The following LIX1L variants were observed in gnomAD, a reference collection of about 807,000 sequenced individuals.
LIX1L encodes LIX1-like protein.
LIX1L carries 20 observed loss-of-function variants against 34.0 expected under a neutral mutation model. The observed-to-expected ratio is 0.59, with a 90% CI of 0.41 to 0.85. LIX1L has a LOEUF of 0.85. Ranked by LOEUF, LIX1L falls within the 40% of genes least tolerant of loss-of-function variation. LIX1L has a pLI of 0.00. For missense variants in LIX1L, 397 were observed against 447.0 expected (o/e 0.89, Z 1.01); for synonymous variants, 170 against 187.4 (o/e 0.91, Z 0.76).
In LIX1L at chr1:145,936,709, G is replaced by A; in HGVS notation, c.772-157C>T. 1.5e-5 allele frequency: 13 copies of A among 894,462 alleles called. No individual in the cohort carries two copies. In the South Asian group the frequency reaches 1.8e-4, roughly 12 times the overall value. 55.4% of individuals were successfully genotyped at this position (894,462 alleles called of 1,614,324 possible). On this transcript the variant is annotated intron_variant, in intron 5 of 5. Transcript: ENST00000604000. ...TTCTTAAAGGCACTTCCTGCTACGG[G>A]AAGCAAGATAGACAAAAGAATCACA...
Position 145,948,169 on chromosome 1 carries a change from T to C in LIX1L, c.293-387A>G, listed in dbSNP as rs587617251. ...GAAATACAAGCAGATTATTCCACAG[T>C]TGGTTAGCTGGCCCAGGATGATAAT... On this transcript the variant is annotated intron_variant, in intron 1 of 5. Transcript: ENST00000604000. The surrounding 1 kb of genome is among the most constrained non-coding windows in gnomAD (Gnocchi z 4.0). Among the ~76,000 whole-genome samples the C allele has an allele frequency of 6.6e-6, 1 of 152,318 alleles. No individual in the cohort carries two copies. Among genetic ancestry groups the C allele is most frequent in the Non-Finnish European group, 1.5e-5 (1 of 68,032 alleles).
intron 3 of LIX1L, chr1:145,939,934 T>C (rs1334987564): frequency 1.3e-5 from 2 of 148,676 alleles, no homozygotes; most frequent in African/African-American, 5.0e-5. Flanking sequence ...CCACCACACC[T>C]GGCCTAGAAC....
At chr1:145,939,004 T>C (rs1648776150) in intron 3 of LIX1L, among the ~76,000 whole-genome samples, 1 of 151,248 alleles carries the variant, frequency 6.6e-6, no homozygotes, top group Admixed American at 6.6e-5. Context: ...TTTTTGAGAC[T>C]GTGTCTCATT....
intron 3 of LIX1L, among the ~76,000 whole-genome samples, chr1:145,941,691 G>A (rs961558823): frequency 2.0e-5 from 3 of 152,100 alleles, no homozygotes; most frequent in African/African-American, 4.8e-5. Flanking sequence ...TAATCTTGGC[G>A]TGACCAATTA....
chr1:145,945,914 T>TG (rs1299076864), intron 2 of LIX1L, among the ~76,000 whole-genome samples: 2 of 143,084 alleles, frequency 1.4e-5, no homozygotes, highest in Non-Finnish European at 3.0e-5. Context: ...GGTGAAACCC[T>TG]GTCTCTACTA....
At chr1:145,941,108 G>A (rs1648898697) in intron 3 of LIX1L, 1 of 152,036 alleles carries the variant, frequency 6.6e-6, no homozygotes, top group South Asian at 2.1e-4. Context: ...TTCATTCCCT[G>A]CAGATGCTGT....
intron 4 of LIX1L, chr1:145,937,398 A>G: frequency 4.9e-6 from 2 of 410,378 alleles, no homozygotes; most frequent in Non-Finnish European, 8.8e-6. Context: ...GCCTCAAGTG[A>G]TCCACCCGCC....
chr1:145,946,003 G>A (rs1649093465), intron 2 of LIX1L, among the ~76,000 whole-genome samples: 1 of 149,694 alleles, frequency 6.7e-6, no homozygotes, highest in Non-Finnish European at 1.5e-5. Context: ...ACTGGGGAAG[G>A]TGAGGCAGGA....
rs1559236791 is a variant in LIX1L at position 145,935,912 on chromosome 1, A to G, written c.*398T>C. 2.9e-5 allele frequency: 6 copies of G among 207,082 alleles called. No individual in the cohort carries two copies. The South Asian group carries it at 3.6e-4, about 12-fold the overall frequency. 12.8% of individuals were successfully genotyped at this position (207,082 alleles called of 1,614,324 possible). On this transcript the variant is annotated 3_prime_UTR_variant, in exon 6 of 6. Coordinates refer to ENST00000604000, the MANE Select transcript of LIX1L (RefSeq NM_153713.3). Reference sequence around the variant, plus strand: ...CATACTCATACCCTGTTTGAGTCCAAGAGGAAGCAGGAATGAGAGTAAGGG... The same window carrying G: ...CATACTCATACCCTGTTTGAGTCCAGGAGGAAGCAGGAATGAGAGTAAGGG...
At chr1:145,952,899 C>G (rs1338236256) in intron 1 of LIX1L, among the ~76,000 whole-genome samples, 1 of 152,162 alleles carries the variant, frequency 6.6e-6, no homozygotes, top group Admixed American at 6.5e-5. Context: ...GTGTGAGTCA[C>G]CGCACCTAAC....
intron 2 of LIX1L, among the ~76,000 whole-genome samples, chr1:145,946,715 C>T (rs1553759278): frequency 1.3e-5 from 2 of 152,070 alleles, no homozygotes; most frequent in African/African-American, 4.8e-5. Context: ...GAACATAGTC[C>T]ACTAGGAGAG....
At position 145,937,662 on chromosome 1, in the gene LIX1L, A is replaced by G. The variant is rs782520580; in HGVS notation, c.635T>C (p.Ile212Thr). The G allele has an allele frequency of 6.2e-6, 10 of 1,613,690 alleles. No individual in the cohort carries two copies. Among genetic ancestry groups the G allele is most frequent in the Non-Finnish European group, 8.5e-6 (10 of 1,179,804 alleles). Residue 212 changes from isoleucine (I) to threonine (T), a missense_variant, in exon 4 of 6, where the codon ATT becomes ACT. By Grantham distance (89) the Ile-to-Thr change is moderately conservative. This residue lies in a region of LIX1L where 174 missense variants were observed against 204.0 expected (regional missense o/e 0.85). Transcript: ENST00000604000. ...REEADNPNTG[I>T]GAFRFMLESN... ...TTCCAGCATGAATCGGAAGGCACCA[A>G]TCCCTGTATTTGGGTTGTCAGCTTC...
chr1:145,940,246 G>C (rs782064245), intron 3 of LIX1L, among the ~76,000 whole-genome samples: 1 of 151,992 alleles, frequency 6.6e-6, no homozygotes, highest in Admixed American at 6.6e-5. Flanking sequence ...GATTACAGGC[G>C]TGAGCCACCG....
At chr1:145,939,323 T>G (rs1225721523) in intron 3 of LIX1L, among the ~76,000 whole-genome samples, 1 of 150,738 alleles carries the variant, frequency 6.6e-6, no homozygotes, top group African/African-American at 2.4e-5. Context: ...TTTTTTTTTT[T>G]GAGATGAAGT....
At chr1:145,947,158 C>T (rs1423777087) in intron 2 of LIX1L, 1 of 154,570 alleles carries the variant, frequency 6.5e-6, no homozygotes, top group East Asian at 1.9e-4. Context: ...AAATTTGGAT[C>T]TCCTAACTCT....
Position 145,937,683 on chromosome 1 carries a change from G to C in LIX1L, c.614C>G (p.Ala205Gly), listed in dbSNP as rs1648714431. 1 of 1,611,788 alleles carries C rather than the reference G, an allele frequency of 6.2e-7. No individual in the cohort carries two copies. ...LASFNGNREE[A>G]DNPNTGIGAF... ...ACCAATCCCTGTATTTGGGTTGTCA[G>C]CTTCCTCCCTGTTGCCCTGGTAGTA... The change falls in exon 4 of 6, where the codon GCT becomes GGT. Residue 205 changes from alanine to glycine, a missense_variant. Physicochemically the swap from Ala to Gly is moderately conservative, Grantham distance 60. This residue lies in a region of LIX1L where 174 missense variants were observed against 204.0 expected (regional missense o/e 0.85). Coordinates refer to ENST00000604000, the MANE Select transcript of LIX1L (RefSeq NM_153713.3).
At chr1:145,952,005 C>G (rs1179284645) in intron 1 of LIX1L, among the ~76,000 whole-genome samples, 1 of 151,012 alleles carries the variant, frequency 6.6e-6, no homozygotes, top group Non-Finnish European at 1.5e-5. Context: ...TAATTGTGAT[C>G]CGCATTTGAA....
At chr1:145,955,747 G>A (rs1253044654) in intron 1 of LIX1L, among the ~76,000 whole-genome samples, 2 of 152,184 alleles carry the variant, frequency 1.3e-5, no homozygotes, top group African/African-American at 2.4e-5. Flanking sequence ...CAAGAATAAT[G>A]AGAAAGACTG....
Position 145,942,830 on chromosome 1 carries a change from G to A in LIX1L, c.480C>T (p.Ala160=), listed in dbSNP as rs1475134342. The change falls in exon 3 of 6, where the codon GCC becomes GCT. Residue 160 remains alanine, a synonymous_variant. Transcript: ENST00000604000. The part of the protein sequence containing the change: ...SFQFCPTKAE[A]RRSAAKIALM... Reference sequence around the variant, plus strand: ...GCGCAATCTTTGCAGCACTCCTCCGGGCCTCAGCTTTTGTGGGGCAAAACT... The same window carrying A: ...GCGCAATCTTTGCAGCACTCCTCCGAGCCTCAGCTTTTGTGGGGCAAAACT... The A allele has an allele frequency of 6.2e-7, 1 of 1,613,930 alleles. No homozygotes were observed. The highest frequency in any genetic ancestry group is 8.5e-7 in the Non-Finnish European group (1 of 1,179,998).
Sources: allele counts gnomAD v4.1 joint callset (sites outside exome capture counted in the v4.1 genomes callset), GRCh38; gene constraint gnomAD v4.1.1; regional missense constraint gnomAD v4.1.1; non-coding constraint Gnocchi (gnomAD v3.1); transcripts MANE v1.5; gene names NCBI Gene and HGNC (gene_info 2026-07-23, HGNC 2026-07-21).